BNIP3L: variants seen among roughly 807,000 people sequenced by gnomAD.
BNIP3L encodes the protein BCL2/adenovirus E1B 19 kDa protein-interacting protein 3-like.
In BNIP3L, 10 loss-of-function variants were observed where a neutral mutation model predicts 25.5. The observed-to-expected ratio is 0.39, with a 90% CI of 0.24 to 0.67. The LOEUF (loss-of-function observed/expected upper bound fraction) is 0.67, where lower values mean the gene tolerates loss of function less well. Ranked by LOEUF, BNIP3L falls within the 30% of genes least tolerant of loss-of-function variation. The pLI, the probability that BNIP3L is intolerant of heterozygous loss-of-function variation, is 0.45. For synonymous variants in BNIP3L, 113 were observed against 101.2 expected (o/e 1.12, Z -0.70); for missense variants, 215 against 270.9 (o/e 0.79, Z 1.45).
intron 3 of BNIP3L, among the ~76,000 whole-genome samples, chr8:26,401,566 A>C (rs1207306019): frequency 1.3e-5 from 2 of 151,350 alleles, no homozygotes; most frequent in East Asian, 1.9e-4. Flanking sequence ...TAAATTAAAA[A>C]AAAAAAACAA....
intron 5 of BNIP3L, among the ~76,000 whole-genome samples, chr8:26,409,611 G>GT (rs1445122001): frequency 3.9e-4 from 59 of 152,306 alleles, no homozygotes; most frequent in Non-Finnish European, 4.4e-4. Flanking sequence ...AGGTGTAGGA[G>GT]TTTAATACAT....
In BNIP3L at chr8:26,413,058, A is replaced by T. The variant is rs1414847063; in HGVS notation, c.*2646A>T. The T allele has an allele frequency of 3.3e-5, 5 of 152,674 alleles. No homozygotes were observed. The highest frequency in any genetic ancestry group is 3.3e-4 in the Admixed American group (5 of 15,290). 9.5% of individuals were successfully genotyped at this position (152,674 alleles called of 1,614,324 possible). ...TTTAGTTAGCACTTTGTATCGTTATATACAGTTTACAATACATGTATAACT... is the reference window on the plus strand; with the variant it reads ...TTTAGTTAGCACTTTGTATCGTTATTTACAGTTTACAATACATGTATAACT... On this transcript the variant is annotated 3_prime_UTR_variant, in exon 6 of 6. Coordinates refer to ENST00000380629, the MANE Select transcript of BNIP3L (RefSeq NM_004331.3). This position sits in a 1 kb window ranked among gnomAD's most constrained non-coding sequence, Gnocchi z 5.2.
intron 3 of BNIP3L, 41 bp downstream of exon 3, chr8:26,395,343 A>C: frequency 6.3e-7 from 1 of 1,576,986 alleles, no homozygotes; most frequent in Non-Finnish European, 8.7e-7. Context: ...ACAATTAAGA[A>C]AGATGTAAAT....
chr8:26,384,848 C>T (rs1805954724), intron 1 of BNIP3L, among the ~76,000 whole-genome samples: 1 of 151,642 alleles, frequency 6.6e-6, no homozygotes, highest in Non-Finnish European at 1.5e-5. Context: ...CAGGTGCCTG[C>T]CACCCGCCCA....
rs1228713235 is a variant in BNIP3L, at chr8:26,383,228, A to T, written c.98A>T (p.Asn33Ile). 2 of 1,607,730 alleles carry T rather than the reference A, an allele frequency of 1.2e-6. No homozygotes were observed. Among genetic ancestry groups the T allele is most frequent in the Non-Finnish European group, 1.7e-6 (2 of 1,177,594 alleles). ...EQSLPPPAGLNSSWVELPMNS... is the reference protein window; with the variant it reads ...EQSLPPPAGLISSWVELPMNS... ...TCTCTGCCCCCGCCGGCCGGCCTCA[A>T]CAGTGAGTGCGGGGCCGAGGCTCTG... The change falls in exon 1 of 6, where the codon AAC becomes ATC. Residue 33 changes from asparagine to isoleucine, a missense_variant and splice_region_variant. Physicochemically the swap from Asn to Ile is moderately radical, Grantham distance 149 (BLOSUM62 -3). Transcript: ENST00000380629.
intron 2 of BNIP3L, among the ~76,000 whole-genome samples, chr8:26,393,390 C>A (rs3779916): frequency 0.62 from 88,116 of 141,712 alleles, 27,958 homozygotes; most frequent in East Asian, 0.86. Context: ...TTCACCTTGA[C>A]GGCACACTAG....
At chr8:26,383,765 C>T (rs1436655777) in intron 1 of BNIP3L, among the ~76,000 whole-genome samples, 3 of 152,084 alleles carry the variant, frequency 2.0e-5, no homozygotes. Context: ...CCTTTGTTGC[C>T]ACACGTTTGT....
chr8:26,385,887 G>GT lies in BNIP3L; in HGVS notation c.100+2664dup, dbSNP rs1563336875. 2.0e-5 allele frequency among the ~76,000 whole-genome samples: 3 copies of GT among 152,074 alleles called. No individual in the cohort carries two copies. The South Asian group carries it at 6.2e-4, about 32-fold the overall frequency. On this transcript the variant is annotated intron_variant, in intron 1 of 5. Transcript: ENST00000380629. ...TCCCTTCTTGCCTCTCACTCTGTTC[G>GT]TTTTTTTAGCTCATTACACAACACT...
At chr8:26,391,100 C>T in intron 1 of BNIP3L, 143 bp from the exon 2 acceptor site, 1 of 634,818 alleles carries the variant, frequency 1.6e-6, no homozygotes, top group East Asian at 3.2e-5. Flanking sequence ...ACTTTTATTA[C>T]TTCTTATTTA....
At chr8:26,387,105 G>T (rs1437443586) in intron 1 of BNIP3L, among the ~76,000 whole-genome samples, 1 of 152,130 alleles carries the variant, frequency 6.6e-6, no homozygotes, top group Non-Finnish European at 1.5e-5. Context: ...TCCTCCCCTT[G>T]TCCCAAAGCT....
Position 26,391,424 on chromosome 8 carries a change from C to T in BNIP3L, c.282C>T (p.Asp94=), listed in dbSNP as rs1178119061. The change falls in exon 2 of 6, where the codon GAC becomes GAT. Residue 94 remains aspartate, a splice_region_variant and synonymous_variant. Coordinates refer to ENST00000380629, the MANE Select transcript of BNIP3L (RefSeq NM_004331.3). ...QSSSRGSSHC[D]SPSPQEDGQI... ...GTTCCAGAGGCAGTTCTCACTGTGA[C>T]AGGTAAGTGAGACCCATGTTTTGGT... is the stretch of plus-strand genomic sequence containing the variant. 6.5e-7 allele frequency: 1 copy of T among 1,535,322 alleles called. No individual in the cohort carries two copies. Among genetic ancestry groups the T allele is most frequent in the Non-Finnish European group, 8.8e-7 (1 of 1,136,328 alleles).
intron 2 of BNIP3L, among the ~76,000 whole-genome samples, chr8:26,394,868 T>C (rs1158159610): frequency 6.6e-6 from 1 of 152,220 alleles, no homozygotes; most frequent in Non-Finnish European, 1.5e-5. Flanking sequence ...GAGGGAACTT[T>C]GAGAAAAAGA....
chr8:26,385,500 G>A (rs886390492), intron 1 of BNIP3L, among the ~76,000 whole-genome samples: 2 of 151,818 alleles, frequency 1.3e-5, no homozygotes, highest in Non-Finnish European at 2.9e-5. Flanking sequence ...CTATTCAGGC[G>A]GCTGAGGCAG....
At chr8:26,399,070 G>A (rs1806311804) in intron 3 of BNIP3L, among the ~76,000 whole-genome samples, 1 of 150,426 alleles carries the variant, frequency 6.6e-6, no homozygotes, top group South Asian at 2.1e-4. Flanking sequence ...CATTTTATGA[G>A]GCCAGCATCA....
chr8:26,404,199 G>T (rs972722728), intron 3 of BNIP3L, among the ~76,000 whole-genome samples: 2 of 152,188 alleles, frequency 1.3e-5, no homozygotes, highest in Admixed American at 6.5e-5. Flanking sequence ...ACTGTAGATT[G>T]TTTCTTCACT....
At chr8:26,383,530 CGGGGCGGGGCGGGGGCGGGCCTGG>C in intron 1 of BNIP3L, 1 of 21,350 alleles carries the variant, frequency 4.7e-5, no homozygotes, top group Non-Finnish European at 8.7e-5. Context: ...CGGAGCCGGG[CGGGGCGGGGCGGGGGCGGGCCTGG>C]GGGGCGGGGA....
chr8:26,402,698 G>A (rs1256449488), intron 3 of BNIP3L, among the ~76,000 whole-genome samples: 1 of 152,126 alleles, frequency 6.6e-6, no homozygotes, highest in Non-Finnish European at 1.5e-5. Context: ...GTGGAGGTGG[G>A]AGGATCCCTT....
intron 3 of BNIP3L, among the ~76,000 whole-genome samples, chr8:26,405,837 G>C (rs1339221090): frequency 6.9e-6 from 1 of 145,144 alleles, no homozygotes. Context: ...GAGGTCAGGA[G>C]TTCGAGACCA....
chr8:26,390,518 G>GTT, intron 1 of BNIP3L: 1 of 985,346 alleles, frequency 1.0e-6, no homozygotes, highest in Non-Finnish European at 1.2e-6. Context: ...AGTTCACAAG[G>GTT]TATGTTTAGT....
Sources: gnomAD v4.1 joint callset for allele counts (sites outside exome capture counted in the v4.1 genomes callset) on GRCh38, gnomAD v4.1.1 for gene constraint, Gnocchi (gnomAD v3.1) non-coding constraint, MANE v1.5 for transcripts, NCBI Gene and HGNC (gene_info 2026-07-23, HGNC 2026-07-21) for gene names.